The following KHDRBS2 variants were observed in gnomAD, a reference collection of about 807,000 sequenced individuals.
The protein encoded by KHDRBS2 is KH RNA binding domain containing, signal transduction associated 2.
KHDRBS2 carries 26 observed loss-of-function variants against 44.3 expected under a neutral mutation model. The ratio of observed to expected loss-of-function variants is 0.59; its 90% confidence interval spans 0.43 to 0.81. The LOEUF (loss-of-function observed/expected upper bound fraction) is 0.81, where lower values mean the gene tolerates loss of function less well. KHDRBS2 is among the 40% of genes least tolerant of loss of function. The pLI is 0.00. For missense variants in KHDRBS2, 476 were observed against 433.1 expected, an observed-to-expected ratio of 1.10 and a Z score of -0.88; for synonymous variants, 194 against 151.1, an observed-to-expected ratio of 1.28 and a Z score of -2.08.
chr6:62,211,753 C>A (rs1829083960), intron 1 of KHDRBS2, among the ~76,000 whole-genome samples: 1 of 152,090 alleles, frequency 6.6e-6, no homozygotes, highest in Non-Finnish European at 1.5e-5. Context: ...TGGGGCGATA[C>A]CTGAAAGACC....
At chr6:62,093,376 C>A (rs1397747785) in intron 2 of KHDRBS2, among the ~76,000 whole-genome samples, 1 of 151,858 alleles carries the variant, frequency 6.6e-6, no homozygotes, top group African/African-American at 2.4e-5. Flanking sequence ...AATAATTATA[C>A]ATATTTGTGG....
At chr6:61,871,943 G>A (rs1041711474) in intron 6 of KHDRBS2, among the ~76,000 whole-genome samples, 9 of 150,552 alleles carry the variant, frequency 6.0e-5, no homozygotes, top group Non-Finnish European at 1.2e-4. Context: ...GGGCCTGTCA[G>A]GGGGTGGGGG....
intron 1 of KHDRBS2, among the ~76,000 whole-genome samples, chr6:62,213,931 T>C (rs1225132191): frequency 7.5e-6 from 1 of 133,446 alleles, no homozygotes; most frequent in African/African-American, 2.8e-5. Context: ...CAACTTCTAA[T>C]ACATGTGTGT....
the KHDRBS2 span, among the ~76,000 whole-genome samples, chr6:61,604,558 G>A: frequency 0.045 from 6,834 of 152,170 alleles, 212 homozygotes; most frequent in Middle Eastern, 0.085. Context: ...GTTACAAGCC[G>A]CTAGCCTGTC....
At chr6:61,722,225 T>A (rs1184254350) in intron 7 of KHDRBS2, among the ~76,000 whole-genome samples, 1 of 152,150 alleles carries the variant, frequency 6.6e-6, no homozygotes, top group Non-Finnish European at 1.5e-5. Context: ...ATCAAGGATA[T>A]TGGTCTAAAA....
chr6:61,938,552 A>C (rs902078643), intron 4 of KHDRBS2, among the ~76,000 whole-genome samples: 1 of 152,138 alleles, frequency 6.6e-6, no homozygotes, highest in African/African-American at 2.4e-5. Context: ...AGGGTGAAAT[A>C]ATTGCTCTGA....
Position 61,893,225 on chromosome 6 carries a change from C to T in KHDRBS2, c.810+1410G>A, listed in dbSNP as rs1324143957. ...TACCATCTCACACCAGTTAGAATGGCAATCATTAAAAAGTCAGGAAACAAC... is the reference window on the plus strand; with the variant it reads ...TACCATCTCACACCAGTTAGAATGGTAATCATTAAAAAGTCAGGAAACAAC... On this transcript the variant is annotated intron_variant, in intron 6 of 8. Coordinates refer to ENST00000281156, the MANE Select transcript of KHDRBS2 (RefSeq NM_152688.4). Among the ~76,000 whole-genome samples the T allele has an allele frequency of 3.9e-5, 6 of 152,244 alleles. 1 individual carries two copies. The highest frequency in any genetic ancestry group is 2.0e-4 in the Admixed American group (3 of 15,298).
intron 6 of KHDRBS2, among the ~76,000 whole-genome samples, chr6:61,891,868 C>T (rs367564262): frequency 6.6e-6 from 1 of 152,092 alleles, no homozygotes; most frequent in African/African-American, 2.4e-5. Flanking sequence ...TCTCACCACT[C>T]CTATTCAACA....
At chr6:61,953,149 G>A (rs9453714) in intron 4 of KHDRBS2, among the ~76,000 whole-genome samples, 51,919 of 151,530 alleles carry the variant, frequency 0.34, 9,057 homozygotes, top group Middle Eastern at 0.41. Flanking sequence ...TTTATCTAGT[G>A]TTTTCAAATC....
intron 6 of KHDRBS2, among the ~76,000 whole-genome samples, chr6:61,773,858 A>C (rs1013184320): frequency 2.5e-4 from 37 of 150,434 alleles, no homozygotes; most frequent in Middle Eastern, 3.4e-3. Flanking sequence ...AGCTTTCTAC[A>C]TATGGCTAGC....
At chr6:62,022,226 G>A (rs1182512907) in intron 3 of KHDRBS2, among the ~76,000 whole-genome samples, 1 of 151,566 alleles carries the variant, frequency 6.6e-6, no homozygotes, top group African/African-American at 2.4e-5. Context: ...AATTAAAAAT[G>A]TTTAAATAAA....
At chr6:61,618,250 G>T in the KHDRBS2 span, among the ~76,000 whole-genome samples, 1 of 152,130 alleles carries the variant, frequency 6.6e-6, no homozygotes, top group South Asian at 2.1e-4. Flanking sequence ...TTTGGGAAAT[G>T]ACTGTCTTTT....
chr6:61,869,964 G>GTTTTTTTTTTTTTTTTTTT (rs59518436), intron 6 of KHDRBS2, among the ~76,000 whole-genome samples: 2 of 109,030 alleles, frequency 1.8e-5, no homozygotes, highest in African/African-American at 7.6e-5. Flanking sequence ...CTGCAGGAGT[G>GTTTTTTTTTTTTTTTTTTT]TTTTTTTTTT....
the KHDRBS2 span, among the ~76,000 whole-genome samples, chr6:61,583,304 T>G: frequency 2.6e-5 from 4 of 151,858 alleles, no homozygotes; most frequent in Admixed American, 2.6e-4. Context: ...TTGTTGCATA[T>G]ATAAATTGTT....
chr6:61,980,522 G>T (rs906080131), intron 3 of KHDRBS2, among the ~76,000 whole-genome samples: 1 of 152,132 alleles, frequency 6.6e-6, no homozygotes, highest in African/African-American at 2.4e-5. Context: ...GTCAAAGCTG[G>T]CTACATTTGA....
intron 3 of KHDRBS2, among the ~76,000 whole-genome samples, chr6:62,001,234 C>T (rs1778181898): frequency 6.6e-6 from 1 of 152,080 alleles, no homozygotes; most frequent in Non-Finnish European, 1.5e-5. Context: ...GTTAATGGGT[C>T]AGTAGTCTCA....
At chr6:61,696,551 C>T (rs1767934008) in intron 8 of KHDRBS2, among the ~76,000 whole-genome samples, 1 of 151,950 alleles carries the variant, frequency 6.6e-6, no homozygotes, top group Non-Finnish European at 1.5e-5. Flanking sequence ...GCCACCACGC[C>T]CGGCCACATA....
chr6:61,787,355 C>T (rs753863068), intron 6 of KHDRBS2, among the ~76,000 whole-genome samples: 7 of 151,600 alleles, frequency 4.6e-5, no homozygotes, highest in Non-Finnish European at 8.9e-5. Flanking sequence ...TTATGTATGA[C>T]TTCACTATGA....
chr6:61,752,252 G>A (rs1029501319), intron 6 of KHDRBS2, among the ~76,000 whole-genome samples: 5 of 152,074 alleles, frequency 3.3e-5, no homozygotes, highest in Non-Finnish European at 7.4e-5. Context: ...TAAGTCCTAT[G>A]CAACATTTAG....
Sources: gnomAD v4.1 joint callset for allele counts (sites outside exome capture counted in the v4.1 genomes callset) on GRCh38, gnomAD v4.1.1 for gene constraint, MANE v1.5 for transcripts, NCBI Gene and HGNC (gene_info 2026-07-23, HGNC 2026-07-21) for gene names.